The following DNAJC1 variants were observed in gnomAD, a reference collection of about 807,000 sequenced individuals.
DNAJC1 encodes the protein DnaJ heat shock protein family (Hsp40) member C1, also known as dnaJ homolog subfamily C member 1.
Under a neutral mutation model 76.6 loss-of-function variants are expected in DNAJC1, and 58 were observed. That is an observed-to-expected ratio of 0.76 (90% CI 0.61 to 0.94). DNAJC1 has a LOEUF of 0.94. Ranked by LOEUF, DNAJC1 falls within the 40% of genes least tolerant of loss-of-function variation. The pLI is 0.00. For missense variants in DNAJC1, 689 were observed against 677.3 expected, an observed-to-expected ratio of 1.02 and a Z score of -0.19; for synonymous variants, 258 against 267.9, an observed-to-expected ratio of 0.96 and a Z score of 0.36.
chr10:21,829,374 C>T (rs1028839453), intron 8 of DNAJC1, among the ~76,000 whole-genome samples: 5 of 152,130 alleles, frequency 3.3e-5, no homozygotes, highest in Non-Finnish European at 7.3e-5. Flanking sequence ...CCACTATGCC[C>T]GGCTAATTTC....
intron 7 of DNAJC1, among the ~76,000 whole-genome samples, chr10:21,885,289 A>C (rs1275838802): frequency 6.6e-6 from 1 of 152,176 alleles, no homozygotes; most frequent in African/African-American, 2.4e-5. Context: ...ACAAGACTTA[A>C]CTATCCTAAA....
chr10:21,831,638 A>T (rs917478975), intron 8 of DNAJC1, among the ~76,000 whole-genome samples: 7 of 152,022 alleles, frequency 4.6e-5, no homozygotes, highest in African/African-American at 1.7e-4. Context: ...AAAATTCAAA[A>T]TATTAGCCAG....
intron 7 of DNAJC1, among the ~76,000 whole-genome samples, chr10:21,889,051 G>A (rs1038341943): frequency 6.6e-6 from 1 of 152,220 alleles, no homozygotes; most frequent in Middle Eastern, 3.4e-3. Context: ...AACTGAGACT[G>A]GGTAACTGAT....
At chr10:21,882,218 C>A in intron 8 of DNAJC1, 64 bp downstream of exon 8, 1 of 1,432,548 alleles carries the variant, frequency 7.0e-7, no homozygotes. Flanking sequence ...GTGAGCTAAC[C>A]CTGTATTTTA....
chr10:21,944,211 A>AT (rs1235353435), intron 1 of DNAJC1, among the ~76,000 whole-genome samples: 3 of 151,542 alleles, frequency 2.0e-5, no homozygotes, highest in African/African-American at 7.3e-5. Flanking sequence ...TAATAAGCAG[A>AT]TTTTTACAGC....
intron 1 of DNAJC1, among the ~76,000 whole-genome samples, chr10:21,963,520 A>C (rs1446333173): frequency 2.0e-5 from 3 of 152,222 alleles, no homozygotes; most frequent in Non-Finnish European, 2.9e-5. Flanking sequence ...GTTTACAAAG[A>C]AAACTATTAT....
At chr10:21,862,106 C>CG (rs1359527886) in intron 8 of DNAJC1, among the ~76,000 whole-genome samples, 2 of 151,876 alleles carry the variant, frequency 1.3e-5, no homozygotes, top group Admixed American at 1.3e-4. Context: ...TTAGTAGAGA[C>CG]GGGGTTTCTC....
At chr10:21,946,293 G>A (rs1021446389) in intron 1 of DNAJC1, among the ~76,000 whole-genome samples, 3 of 151,698 alleles carry the variant, frequency 2.0e-5, no homozygotes, top group African/African-American at 7.3e-5. Flanking sequence ...GCCCGCCTCA[G>A]CCTCCCAAAG....
intron 7 of DNAJC1, among the ~76,000 whole-genome samples, chr10:21,900,912 G>C (rs1836641539): frequency 6.6e-6 from 1 of 152,062 alleles, no homozygotes; most frequent in South Asian, 2.1e-4. Context: ...ACCAACCCCT[G>C]AATCAACTAC....
intron 3 of DNAJC1, among the ~76,000 whole-genome samples, chr10:21,926,367 A>C (rs1837129444): frequency 1.3e-5 from 2 of 152,088 alleles, no homozygotes; most frequent in Admixed American, 6.6e-5. Context: ...ATTTCAGAGA[A>C]AACACAATTA....
At chr10:21,972,878 CAAT>C (rs1838002682) in intron 1 of DNAJC1, among the ~76,000 whole-genome samples, 1 of 151,782 alleles carries the variant, frequency 6.6e-6, no homozygotes, top group African/African-American at 2.4e-5. Context: ...AACCTAAATA[CAAT>C]AATATTTTCC....
chr10:21,837,903 G>A (rs1420991099), intron 8 of DNAJC1, among the ~76,000 whole-genome samples: 15 of 135,384 alleles, frequency 1.1e-4, no homozygotes, highest in South Asian at 4.6e-4. Context: ...CAGCCGCCCC[G>A]TCCGGGAGGG....
chr10:21,997,318 A>G (rs906079496), intron 1 of DNAJC1, among the ~76,000 whole-genome samples: 1 of 152,186 alleles, frequency 6.6e-6, no homozygotes, highest in Non-Finnish European at 1.5e-5. Flanking sequence ...TAACTGATAC[A>G]GCTATTGAAG....
At chr10:21,980,931 TA>T (rs1279354820) in intron 1 of DNAJC1, among the ~76,000 whole-genome samples, 18 of 151,604 alleles carry the variant, frequency 1.2e-4, no homozygotes, top group East Asian at 3.9e-4. Context: ...TAGCTCCCCT[TA>T]AAAAAAAATT....
rs1835116428 is a variant in DNAJC1 at position 21,818,990 on chromosome 10, ATTATACT to A, written c.979-12898_979-12892del. Among the ~76,000 whole-genome samples, 4 of 152,354 alleles carry A rather than the reference ATTATACT, an allele frequency of 2.6e-5. No homozygotes were observed. In the South Asian group the frequency reaches 8.3e-4, roughly 32 times the overall value. ...GGAAACCAAAGTTAGATGCATCACT[ATTATACT>A]ACTTGGGATAAAGCAAAATCGTATT... On this transcript the variant is annotated intron_variant, in intron 8 of 11. Transcript: ENST00000376980.
At chr10:21,839,509 G>A (rs1317036658) in intron 8 of DNAJC1, among the ~76,000 whole-genome samples, 2 of 152,160 alleles carry the variant, frequency 1.3e-5, no homozygotes, top group Non-Finnish European at 1.5e-5. Context: ...AGAAGAAATG[G>A]ATAAATTCCT....
At chr10:21,789,703 A>G (rs1326249024) in intron 9 of DNAJC1, among the ~76,000 whole-genome samples, 1 of 152,170 alleles carries the variant, frequency 6.6e-6, no homozygotes, top group Non-Finnish European at 1.5e-5. Context: ...CAGCTGAACA[A>G]TTCAATGAAT....
At chr10:21,978,357 T>C (rs1287783801) in intron 1 of DNAJC1, among the ~76,000 whole-genome samples, 1 of 152,056 alleles carries the variant, frequency 6.6e-6, no homozygotes, top group Non-Finnish European at 1.5e-5. Flanking sequence ...ACTGATAAAG[T>C]ATAGAATTTG....
intron 9 of DNAJC1, among the ~76,000 whole-genome samples, chr10:21,782,509 C>A (rs1052945960): frequency 2.0e-5 from 3 of 152,160 alleles, no homozygotes; most frequent in African/African-American, 7.2e-5. Context: ...GGAATCCATT[C>A]CAATCAACAG....
Sources: gnomAD v4.1 joint callset for allele counts (sites outside exome capture counted in the v4.1 genomes callset) on GRCh38, gnomAD v4.1.1 for gene constraint, MANE v1.5 for transcripts, NCBI Gene and HGNC (gene_info 2026-07-23, HGNC 2026-07-21) for gene names.